Variants in SYNGR2 observed in about 807,000 individuals in gnomAD.
SYNGR2 encodes synaptogyrin 2.
In SYNGR2, 11 loss-of-function variants were observed where a neutral mutation model predicts 18.7. That is an observed-to-expected ratio of 0.59 (90% CI 0.37 to 0.97). SYNGR2 has a LOEUF of 0.97. Ranked by LOEUF, SYNGR2 falls within the 50% of genes least tolerant of loss-of-function variation. The pLI is 0.01. For missense variants in SYNGR2, 253 were observed against 300.7 expected (o/e 0.84, Z 1.17); for synonymous variants, 127 against 131.0 (o/e 0.97, Z 0.21).
rs980274822 is a variant in SYNGR2, at chr17:78,170,979, G to T, written c.262G>T (p.Val88Phe). 5 of 1,612,886 alleles carry T rather than the reference G, an allele frequency of 3.1e-6. No homozygotes were observed. The highest frequency in any genetic ancestry group is 2.7e-5 in the African/African-American group (2 of 74,906). The change falls in exon 2 of 4, where the codon GTC (valine) becomes TTC (phenylalanine). Residue 88 changes from valine (V) to phenylalanine (F), a missense_variant. By Grantham distance (50) the Val-to-Phe change is conservative (BLOSUM62 -1). Coordinates refer to ENST00000225777, the MANE Select transcript of SYNGR2 (RefSeq NM_004710.7). ...AFLASAFFLV[V>F]DAYFPQISNA... is the part of the protein sequence containing the mutation. ...CCTGGCCTCGGCCTTCTTCTTGGTG[G>T]TCGACGCGTATTTCCCCCAGATCAG...
chr17:78,170,916 G>A lies in SYNGR2; in HGVS notation c.199G>A (p.Ala67Thr), dbSNP rs2075653107. The A allele has an allele frequency of 6.2e-7, 1 of 1,613,366 alleles. No individual in the cohort carries two copies. Among genetic ancestry groups the A allele is most frequent in the African/African-American group, 1.3e-5 (1 of 74,920 alleles). ...CTGCGTGTTCAACCGCAACGAGGAT[G>A]CCTGCCGCTATGGCAGTGCCATCGG... ...MYCVFNRNED[A>T]CRYGSAIGVL... The change falls in exon 2 of 4, where the codon GCC becomes ACC. Residue 67 changes from alanine to threonine, a missense_variant. Transcript: ENST00000225777.
intron 1 of SYNGR2, 51 bp from the exon 2 acceptor site, chr17:78,170,765 TG>T: frequency 6.7e-7 from 1 of 1,502,952 alleles, no homozygotes; most frequent in Non-Finnish European, 9.2e-7. Flanking sequence ...GTCCCCGCTG[TG>T]TGTGCCCCTC....
At position 78,172,446 on chromosome 17, in the gene SYNGR2, G is replaced by GCCGGTGGCCTCTGGGCTGCCTC. The variant is rs2075667548; in HGVS notation, c.*514_*535dup. ...TATGATCTGGGGGCCACCACCCTGT[G>GCCGGTGGCCTCTGGGCTGCCTC]CCGGTGGCCTCTGGGCTGCCTCCCG... is the stretch of plus-strand genomic sequence containing the variant. On this transcript the variant is annotated 3_prime_UTR_variant, in exon 4 of 4. Transcript: ENST00000225777. 5.6e-6 allele frequency: 1 copy of GCCGGTGGCCTCTGGGCTGCCTC among 178,606 alleles called. No individual in the cohort carries two copies. Among genetic ancestry groups the GCCGGTGGCCTCTGGGCTGCCTC allele is most frequent in the African/African-American group, 2.4e-5 (1 of 42,352 alleles). 11.1% of individuals were successfully genotyped at this position (178,606 alleles called of 1,614,324 possible). A position where few individuals can be genotyped will look rare whatever the true frequency, so the allele number is the denominator to read the frequency against.
In SYNGR2 at chr17:78,171,588, T is replaced by C; in HGVS notation, c.416T>C (p.Leu139Pro). 2 of 1,554,098 alleles carry C rather than the reference T, an allele frequency of 1.3e-6. No individual in the cohort carries two copies. The highest frequency in any genetic ancestry group is 1.7e-6 in the Non-Finnish European group (2 of 1,148,652). Reference protein sequence around the residue: ...QWAVTNPKDVLVGADSVRAAI... With the variant: ...QWAVTNPKDVPVGADSVRAAI... ...GCAGTCACCAACCCGAAGGACGTGCTGGTGGGGGCCGACTCTGTGAGGGCA... is the reference window on the plus strand; with the variant it reads ...GCAGTCACCAACCCGAAGGACGTGCCGGTGGGGGCCGACTCTGTGAGGGCA... Residue 139 changes from leucine (L) to proline (P), a missense_variant, in exon 3 of 4, where the codon CTG becomes CCG. By Grantham distance (98) the Leu-to-Pro change is moderately conservative (BLOSUM62 -3). Transcript: ENST00000225777. The surrounding 1 kb of genome is among the most constrained non-coding windows in gnomAD (Gnocchi z 6.6).
Position 78,171,253 on chromosome 17 carries a change from G to A in SYNGR2, c.337+199G>A, listed in dbSNP as rs1400290971. 2 of 668,098 alleles carry A rather than the reference G, an allele frequency of 3.0e-6. No homozygotes were observed. Among genetic ancestry groups the A allele is most frequent in the Non-Finnish European group, 2.5e-6 (1 of 397,710 alleles). 41.4% of individuals were successfully genotyped at this position (668,098 alleles called of 1,614,324 possible). ...TGCCTGGGGTAGCTAGAAGCTGAGTGGACCTGCAGCACACCCGAGCAGATG... is the reference window on the plus strand; with the variant it reads ...TGCCTGGGGTAGCTAGAAGCTGAGTAGACCTGCAGCACACCCGAGCAGATG... On this transcript the variant is annotated intron_variant, in intron 2 of 3. Transcript: ENST00000225777. The surrounding 1 kb of genome is among the most constrained non-coding windows in gnomAD (Gnocchi z 6.6).
At chr17:78,168,781 G>A in intron 1 of SYNGR2, 66 bp downstream of exon 1, 1 of 1,165,478 alleles carries the variant, frequency 8.6e-7, no homozygotes, top group Non-Finnish European at 1.1e-6. Context: ...GGCCCGGCGG[G>A]GCCCCTAGCC....
chr17:78,168,752 G>C, intron 1 of SYNGR2, 37 bp downstream of exon 1: 1 of 1,188,346 alleles, frequency 8.4e-7, no homozygotes, highest in Non-Finnish European at 1.0e-6. Flanking sequence ...GCACCCTGGG[G>C]ACCCCCTCTC....
chr17:78,170,814 C>G lies in SYNGR2; in HGVS notation c.100-3C>G, dbSNP rs768691359. 2 of 1,604,952 alleles carry G rather than the reference C, an allele frequency of 1.2e-6. No homozygotes were observed. ...GCCCTACCAGGTCCTCCCCTCCCGG[C>G]AGGTCTTCGCCTTGATCGTGTTCTC... is the stretch of plus-strand genomic sequence containing the variant. On this transcript the variant is annotated splice_region_variant and splice_polypyrimidine_tract_variant and intron_variant, in intron 1 of 3. Coordinates refer to ENST00000225777, the MANE Select transcript of SYNGR2 (RefSeq NM_004710.7).
At position 78,172,579 on chromosome 17, in the gene SYNGR2, A is replaced by G. The variant is rs531840085; in HGVS notation, c.*643A>G. ...ACCCAGCTTTATGTAAATATTCTGC[A>G]GTTGTTACTTAGGAAGCCTGGGGAG... is the stretch of plus-strand genomic sequence containing the variant. On this transcript the variant is annotated 3_prime_UTR_variant, in exon 4 of 4. Coordinates refer to ENST00000225777, the MANE Select transcript of SYNGR2 (RefSeq NM_004710.7). 2 of 153,414 alleles carry G rather than the reference A, an allele frequency of 1.3e-5. No homozygotes were observed. Among genetic ancestry groups the G allele is most frequent in the African/African-American group, 4.8e-5 (2 of 41,600 alleles). The allele number at this position is 153,414 out of a possible 1,614,324, so 9.5% of individuals were successfully genotyped here.
intron 1 of SYNGR2, chr17:78,169,262 GTGT>G (rs2075641211): frequency 6.7e-5 from 5 of 74,162 alleles, no homozygotes; most frequent in South Asian, 5.4e-4. Context: ...GGTTTTGTGT[GTGT>G]GTGTGTGTGG....
At position 78,171,685 on chromosome 17, in the gene SYNGR2, T is replaced by TGGTGGAG. The variant is rs1203087418; in HGVS notation, c.477+42_478-42dup. The TGGTGGAG allele has an allele frequency of 1.2e-6, 2 of 1,611,952 alleles. No homozygotes were observed. Among genetic ancestry groups the TGGTGGAG allele is most frequent in the African/African-American group, 2.7e-5 (2 of 74,778 alleles). On this transcript the variant is annotated intron_variant, in intron 3 of 3. Transcript: ENST00000225777. The surrounding 1 kb of genome is among the most constrained non-coding windows in gnomAD (Gnocchi z 6.6). ...CAGGGGCCGGTTCTTGGGTCAAGGG[T>TGGTGGAG]GGTGGAGGGTGGGGTCCCCCACCCA...
At position 78,168,581 on chromosome 17, in the gene SYNGR2, G is replaced by C; in HGVS notation, c.-36G>C. The C allele has an allele frequency of 2.6e-6, 3 of 1,168,714 alleles. No homozygotes were observed. The highest frequency in any genetic ancestry group is 3.2e-6 in the Non-Finnish European group (3 of 939,992). 72.4% of individuals were successfully genotyped at this position (1,168,714 alleles called of 1,614,324 possible). A position where few individuals can be genotyped will look rare whatever the true frequency, so the allele number is the denominator to read the frequency against. ...GGCGGGGCGCCGGGCAGGTTCCTCT[G>C]CGTTCCGCGGCGGCGGCAGCGGCGG... On this transcript the variant is annotated 5_prime_UTR_variant, in exon 1 of 4. Coordinates refer to ENST00000225777, the MANE Select transcript of SYNGR2 (RefSeq NM_004710.7).
intron 1 of SYNGR2, chr17:78,169,701 G>A (rs949205498): frequency 6.6e-6 from 1 of 152,426 alleles, no homozygotes; most frequent in Non-Finnish European, 1.5e-5. Context: ...ACCTGCTGAG[G>A]TGGAGCAGGC....
Position 78,171,786 on chromosome 17 carries a change from C to T in SYNGR2, c.525C>T (p.Asp175=), listed in dbSNP as rs755017829. 19 of 1,614,076 alleles carry T rather than the reference C, an allele frequency of 1.2e-5. No individual in the cohort carries two copies. Among genetic ancestry groups the T allele is most frequent in the East Asian group, 4.5e-5 (2 of 44,864 alleles). ...LAYQRYKAGV[D]DFIQNYVDPT... is the part of the protein sequence containing the mutation. The stretch of plus-strand genomic sequence containing the variant: ...ACCAGCGCTACAAGGCTGGCGTGGA[C>T]GACTTCATCCAGAATTACGTTGACC... The change falls in exon 4 of 4, where the codon GAC becomes GAT. Residue 175 remains aspartate (D), a synonymous_variant. Coordinates refer to ENST00000225777, the MANE Select transcript of SYNGR2 (RefSeq NM_004710.7). The surrounding 1 kb of genome is among the most constrained non-coding windows in gnomAD (Gnocchi z 6.6).
intron 1 of SYNGR2, chr17:78,170,470 G>T (rs2075649801): frequency 4.0e-6 from 1 of 249,342 alleles, no homozygotes; most frequent in East Asian, 1.0e-4. Context: ...AGGCCGAGGA[G>T]GGTGGATCAC....
intron 1 of SYNGR2, 181 bp from the exon 2 acceptor site, chr17:78,170,636 G>T (rs767487758): frequency 4.6e-6 from 3 of 659,182 alleles, no homozygotes; most frequent in South Asian, 3.5e-5. Context: ...AGTGAGCCGA[G>T]ATCGCACTAT....
chr17:78,172,890 G>A (rs9897765), downstream of SYNGR2: 34,322 of 152,156 alleles, frequency 0.23, 4,259 homozygotes, highest in Non-Finnish European at 0.28. Context: ...GTCGCATTCC[G>A]CACAAGCCTT....
rs369003522 is a variant in SYNGR2, at chr17:78,171,672, CT to C, written c.477+25del. ...TGGGTAGGATGGCCAGGGGCCGGTT[CT>C]TGGGTCAAGGGTGGTGGAGGGTGGG... On this transcript the variant is annotated intron_variant, in intron 3 of 3. Transcript: ENST00000225777. This position sits in a 1 kb window ranked among gnomAD's most constrained non-coding sequence, Gnocchi z 6.6. The C allele has an allele frequency of 6.9e-4, 1,115 of 1,608,232 alleles. No individual in the cohort carries two copies. The highest frequency in any genetic ancestry group is 8.9e-4 in the Non-Finnish European group (1,048 of 1,175,670).
At position 78,172,032 on chromosome 17, in the gene SYNGR2, C is replaced by T. The variant is rs1250254930; in HGVS notation, c.*96C>T. The T allele has an allele frequency of 1.9e-6, 3 of 1,574,892 alleles. No homozygotes were observed. The highest frequency in any genetic ancestry group is 2.3e-5 in the South Asian group (2 of 88,620). On this transcript the variant is annotated 3_prime_UTR_variant, in exon 4 of 4. Transcript: ENST00000225777. ...TGGAACTGCCAGCCCCTCTCTTTCA[C>T]CTGTTCCATCCTGTGCAGCTGACAC...
Sources: gnomAD v4.1 joint callset for allele counts on GRCh38, gnomAD v4.1.1 for gene constraint, Gnocchi (gnomAD v3.1) non-coding constraint, MANE v1.5 for transcripts, NCBI Gene and HGNC (gene_info 2026-07-23, HGNC 2026-07-21) for gene names.